Variants in DCC observed in about 807,000 individuals in gnomAD.
DCC encodes netrin receptor DCC.
In DCC, 58 loss-of-function variants were observed where a neutral mutation model predicts 172.5. The ratio of observed to expected loss-of-function variants is 0.34; its 90% confidence interval spans 0.27 to 0.42. The LOEUF is 0.42. Ranked by LOEUF, DCC falls within the 10% of genes least tolerant of loss-of-function variation. The probability of loss-of-function intolerance (pLI) is 1.00; values close to 1 mark genes in which losing one functional copy is unlikely to be tolerated. For synonymous variants in DCC, 709 were observed against 644.5 expected (o/e 1.10, Z -1.52); for missense variants, 1,740 against 1,791.0 (o/e 0.97, Z 0.51).
At chr18:53,184,002 TAAAA>T (rs201337705) in intron 9 of DCC, among the ~76,000 whole-genome samples, 170 of 138,452 alleles carry the variant, frequency 1.2e-3, no homozygotes, top group Admixed American at 2.0e-3. Flanking sequence ...GCATCTCATT[TAAAA>T]AAAAAAAAAA....
rs73957148 is a variant in DCC, at chr18:53,322,187, T to G, written c.2164+30T>G. ...GACTTTTTCCCAGTTACTATCACTC[T>G]GATTATCTTCTTGTTATCTCAGCTT... On this transcript the variant is annotated intron_variant, in intron 14 of 28. Coordinates refer to ENST00000442544, the MANE Select transcript of DCC (RefSeq NM_005215.4). The G allele has an allele frequency of 0.012, 13,266 of 1,117,006 alleles. 891 individuals are homozygous for G. The African/African-American group carries it at 0.16, about 13-fold the overall frequency. The allele number at this position is 1,117,006 out of a possible 1,614,324, so 69.2% of individuals were successfully genotyped here. A position where few individuals can be genotyped will look rare whatever the true frequency, so the allele number is the denominator to read the frequency against.
chr18:52,430,924 C>A (rs963879235), intron 1 of DCC, among the ~76,000 whole-genome samples: 2 of 152,080 alleles, frequency 1.3e-5, no homozygotes, highest in Admixed American at 6.6e-5. Flanking sequence ...TCTTTTAATG[C>A]CCAAACCTTT....
At chr18:52,465,063 A>C (rs1333729597) in intron 1 of DCC, among the ~76,000 whole-genome samples, 1 of 152,120 alleles carries the variant, frequency 6.6e-6, no homozygotes, top group Admixed American at 6.5e-5. Flanking sequence ...TTTTCCTAGG[A>C]CATAGAGATG....
At chr18:53,423,485 A>G (rs373660961) in intron 21 of DCC, among the ~76,000 whole-genome samples, 5 of 152,142 alleles carry the variant, frequency 3.3e-5, no homozygotes, top group African/African-American at 9.7e-5. Flanking sequence ...ACAATCACAA[A>G]TCACCCTGGA....
At chr18:53,300,423 T>A (rs557387403) in intron 12 of DCC, among the ~76,000 whole-genome samples, 1 of 152,226 alleles carries the variant, frequency 6.6e-6, no homozygotes, top group East Asian at 1.9e-4. Flanking sequence ...TTTCTGTGCT[T>A]TTGGTTGGTG....
At chr18:53,184,703 A>G (rs2055253017) in intron 9 of DCC, among the ~76,000 whole-genome samples, 1 of 152,146 alleles carries the variant, frequency 6.6e-6, no homozygotes, top group African/African-American at 2.4e-5. Context: ...AAATTTTTCA[A>G]CTTCATTATA....
At chr18:53,463,472 A>G (rs1018620176) in intron 24 of DCC, among the ~76,000 whole-genome samples, 2 of 152,200 alleles carry the variant, frequency 1.3e-5, no homozygotes, top group African/African-American at 2.4e-5. Flanking sequence ...ACAAAATTCA[A>G]CATAAGTGAA....
At chr18:52,348,741 G>A (rs10853618) in intron 1 of DCC, among the ~76,000 whole-genome samples, 49,370 of 151,910 alleles carry the variant, frequency 0.32, 8,582 homozygotes, top group East Asian at 0.51. Context: ...GGAAGTTGTC[G>A]CCTAATACTT....
At chr18:52,958,040 T>C (rs578096507) in intron 5 of DCC, among the ~76,000 whole-genome samples, 2 of 152,166 alleles carry the variant, frequency 1.3e-5, no homozygotes, top group African/African-American at 4.8e-5. Flanking sequence ...ATTAGAACAG[T>C]GGTATGGAAA....
chr18:52,526,257 A>C (rs1208008101), intron 1 of DCC, among the ~76,000 whole-genome samples: 1 of 152,208 alleles, frequency 6.6e-6, no homozygotes, highest in Admixed American at 6.5e-5. Context: ...AAAAGAAAGC[A>C]GAGCTTGGAG....
chr18:52,666,179 G>T (rs1216781033), intron 1 of DCC, among the ~76,000 whole-genome samples: 2 of 152,122 alleles, frequency 1.3e-5, no homozygotes, highest in African/African-American at 2.4e-5. Flanking sequence ...TGTAATCGCA[G>T]CTACTCGGTG....
intron 1 of DCC, among the ~76,000 whole-genome samples, chr18:52,503,753 CTT>C (rs2031120202): frequency 6.6e-6 from 1 of 152,106 alleles, no homozygotes; most frequent in Non-Finnish European, 1.5e-5. Flanking sequence ...AGAGAACCCT[CTT>C]GTTTCACCCA....
At chr18:52,511,096 A>G (rs780710139) in intron 1 of DCC, among the ~76,000 whole-genome samples, 2 of 152,110 alleles carry the variant, frequency 1.3e-5, no homozygotes, top group African/African-American at 2.4e-5. Context: ...CCTGACTAAC[A>G]TGGTGAAACC....
intron 1 of DCC, among the ~76,000 whole-genome samples, chr18:52,351,678 G>A (rs773989348): frequency 1.3e-5 from 2 of 152,142 alleles, no homozygotes; most frequent in Non-Finnish European, 2.9e-5. Context: ...GACATTCCTT[G>A]TTCTGGGGCC....
At chr18:52,704,650 ACCAG>A (rs1251591265) in intron 1 of DCC, among the ~76,000 whole-genome samples, 1 of 152,206 alleles carries the variant, frequency 6.6e-6, no homozygotes, top group Non-Finnish European at 1.5e-5. Flanking sequence ...ACAAACAACC[ACCAG>A]CTATCAGCCA....
At chr18:53,312,972 GAGGA>G (rs1266275925) in intron 13 of DCC, among the ~76,000 whole-genome samples, 3 of 129,218 alleles carry the variant, frequency 2.3e-5, no homozygotes, top group Non-Finnish European at 4.9e-5. Flanking sequence ...GGAGTGGGGA[GAGGA>G]AGGGAGGAGG....
At chr18:52,559,815 G>GGA (rs895709877) in intron 1 of DCC, among the ~76,000 whole-genome samples, 5 of 152,066 alleles carry the variant, frequency 3.3e-5, no homozygotes, top group African/African-American at 1.2e-4. Flanking sequence ...ATATTGTGGA[G>GGA]GAGAGAGAGA....
intron 7 of DCC, among the ~76,000 whole-genome samples, chr18:53,153,521 A>G (rs1568334262): frequency 6.6e-6 from 1 of 152,168 alleles, no homozygotes; most frequent in Admixed American, 6.5e-5. Flanking sequence ...CACCTTCTTT[A>G]AAGTGGTCTC....
intron 1 of DCC, among the ~76,000 whole-genome samples, chr18:52,467,221 G>A (rs1018010619): frequency 2.6e-5 from 4 of 151,628 alleles, no homozygotes; most frequent in African/African-American, 9.7e-5. Flanking sequence ...GACAGGCCCT[G>A]GTGTGTGATG....
Sources: gnomAD v4.1 joint callset for allele counts (sites outside exome capture counted in the v4.1 genomes callset) on GRCh38, gnomAD v4.1.1 for gene constraint, MANE v1.5 for transcripts, NCBI Gene and HGNC (gene_info 2026-07-23, HGNC 2026-07-21) for gene names.